UBE2H: variants seen among roughly 807,000 people sequenced by gnomAD.
The protein encoded by UBE2H is ubiquitin-conjugating enzyme E2 H.
In UBE2H, 3 loss-of-function variants were observed where a neutral mutation model predicts 29.0. That is an observed-to-expected ratio of 0.10 (90% CI 0.05 to 0.27). The LOEUF (loss-of-function observed/expected upper bound fraction) is 0.27, where lower values mean the gene tolerates loss of function less well. Ranked by LOEUF, UBE2H falls within the 10% of genes least tolerant of loss-of-function variation. UBE2H has a pLI of 1.00. For missense variants in UBE2H, 68 were observed against 228.2 expected (o/e 0.30, Z 4.52); for synonymous variants, 69 against 82.9 (o/e 0.83, Z 0.91).
intron 5 of UBE2H, among the ~76,000 whole-genome samples, chr7:129,850,417 C>T (rs189887357): frequency 3.2e-4 from 49 of 152,198 alleles, no homozygotes; most frequent in Admixed American, 2.9e-3. Context: ...ATGTTTGCAA[C>T]ATACATGATA....
chr7:129,836,634 C>G (rs1805330026), intron 6 of UBE2H, among the ~76,000 whole-genome samples: 1 of 152,160 alleles, frequency 6.6e-6, no homozygotes, highest in Admixed American at 6.5e-5. Flanking sequence ...AAACCCAGCA[C>G]TTTGGGAGGC....
At chr7:129,867,924 G>T (rs963115927) in intron 3 of UBE2H, among the ~76,000 whole-genome samples, 1 of 151,980 alleles carries the variant, frequency 6.6e-6, no homozygotes, top group Non-Finnish European at 1.5e-5. Flanking sequence ...TTAAAATCAG[G>T]CAAATTGGAT....
At chr7:129,940,206 G>A (rs1206286153) in intron 1 of UBE2H, among the ~76,000 whole-genome samples, 1 of 152,024 alleles carries the variant, frequency 6.6e-6, no homozygotes, top group Non-Finnish European at 1.5e-5. Flanking sequence ...ATGAAAAAAA[G>A]TTGCCTAATA....
intron 3 of UBE2H, among the ~76,000 whole-genome samples, chr7:129,872,398 G>A (rs1014456254): frequency 1.3e-5 from 2 of 152,068 alleles, no homozygotes; most frequent in Non-Finnish European, 2.9e-5. Context: ...GTTTAGTCAT[G>A]CCATATTATA....
intron 1 of UBE2H, among the ~76,000 whole-genome samples, chr7:129,910,181 TAGCCG>T (rs1344662420): frequency 3.3e-5 from 5 of 151,832 alleles, no homozygotes; most frequent in African/African-American, 4.8e-5. Context: ...ATACAAAAAT[TAGCCG>T]AGTGTGGTGG....
intron 1 of UBE2H, among the ~76,000 whole-genome samples, chr7:129,885,875 T>C (rs191897681): frequency 4.6e-5 from 7 of 152,248 alleles, no homozygotes; most frequent in Non-Finnish European, 1.0e-4. Context: ...CCACAAAATA[T>C]ATAATAATTA....
chr7:129,882,488 A>G (rs1806275283), intron 1 of UBE2H, among the ~76,000 whole-genome samples: 1 of 152,366 alleles, frequency 6.6e-6, no homozygotes, highest in East Asian at 1.9e-4. Flanking sequence ...ACTGACTGCA[A>G]GAGGCCAGGT....
At chr7:129,853,061 G>T (rs1363935707) in intron 5 of UBE2H, among the ~76,000 whole-genome samples, 1 of 152,112 alleles carries the variant, frequency 6.6e-6, no homozygotes, top group Non-Finnish European at 1.5e-5. Flanking sequence ...ATTTACGAAG[G>T]CAGTCAAAGA....
chr7:129,935,747 C>T (rs78178272), intron 1 of UBE2H, among the ~76,000 whole-genome samples: 4,559 of 152,186 alleles, frequency 0.03, 138 homozygotes, highest in Admixed American at 0.1. Flanking sequence ...TTCTATTTTT[C>T]ACACAACAAA....
chr7:129,941,867 C>G (rs920852218), intron 1 of UBE2H, among the ~76,000 whole-genome samples: 2 of 152,010 alleles, frequency 1.3e-5, no homozygotes, highest in Non-Finnish European at 2.9e-5. Flanking sequence ...AATAACCTAT[C>G]AAATAACTCT....
chr7:129,940,133 AT>A (rs1228661963), intron 1 of UBE2H, among the ~76,000 whole-genome samples: 1 of 152,170 alleles, frequency 6.6e-6, no homozygotes, highest in Non-Finnish European at 1.5e-5. Flanking sequence ...TTCTATTTAT[AT>A]TACCTCAACT....
At chr7:129,879,984 C>A (rs975343308) in intron 2 of UBE2H, among the ~76,000 whole-genome samples, 9 of 151,750 alleles carry the variant, frequency 5.9e-5, no homozygotes, top group African/African-American at 2.2e-4. Context: ...AAAAAGAAAA[C>A]AACAAAAAAC....
chr7:129,867,737 A>T (rs1805941750), intron 3 of UBE2H, among the ~76,000 whole-genome samples: 1 of 138,748 alleles, frequency 7.2e-6, no homozygotes, highest in Non-Finnish European at 1.6e-5. Flanking sequence ...AAAAAAAAAA[A>T]AAAAAGAAGA....
intron 3 of UBE2H, among the ~76,000 whole-genome samples, chr7:129,871,058 T>G (rs1480773433): frequency 6.6e-6 from 1 of 152,244 alleles, no homozygotes; most frequent in African/African-American, 2.4e-5. Flanking sequence ...AAGGTACCTA[T>G]TCTATCCATT....
At chr7:129,888,167 G>C (rs1057127793) in intron 1 of UBE2H, among the ~76,000 whole-genome samples, 1 of 152,088 alleles carries the variant, frequency 6.6e-6, no homozygotes, top group Non-Finnish European at 1.5e-5. Context: ...AATTTTTAAG[G>C]GTTTTTAATG....
At chr7:129,861,688 T>C (rs900274132) in intron 3 of UBE2H, among the ~76,000 whole-genome samples, 1 of 152,194 alleles carries the variant, frequency 6.6e-6, no homozygotes, top group African/African-American at 2.4e-5. Flanking sequence ...TGTCAGGAGT[T>C]TGAGACCAGC....
chr7:129,872,902 A>G lies in UBE2H; in HGVS notation c.205+6666T>C, dbSNP rs181056175. Among the ~76,000 whole-genome samples, 12 of 149,162 alleles carry G rather than the reference A, an allele frequency of 8.0e-5. No individual in the cohort carries two copies. The East Asian group carries it at 2.2e-3, about 28-fold the overall frequency. ...TATGGCACACTGGTTATCAGAGTAT[A>G]TGCCAGACTGGGAGATTTAAGAGGA... On this transcript the variant is annotated intron_variant, in intron 3 of 6. Coordinates refer to ENST00000355621, the MANE Select transcript of UBE2H (RefSeq NM_003344.4).
rs556924592 is a variant in UBE2H, at chr7:129,905,798, A to G, written c.54-24827T>C. On this transcript the variant is annotated intron_variant, in intron 1 of 6. Transcript: ENST00000355621. ...CAATCGAGGAATAAGAGAGGGCCTA[A>G]GACTTACAGAGAGGCCAGGCACAGC... is the stretch of plus-strand genomic sequence containing the variant. 2.0e-5 allele frequency among the ~76,000 whole-genome samples: 3 copies of G among 152,270 alleles called. No homozygotes were observed. In the East Asian group the frequency reaches 5.8e-4, roughly 29 times the overall value.
chr7:129,927,357 T>C (rs773389229), intron 1 of UBE2H, among the ~76,000 whole-genome samples: 4 of 152,040 alleles, frequency 2.6e-5, no homozygotes, highest in Non-Finnish European at 5.9e-5. Context: ...CTGGCCAAGA[T>C]CGTGAAACCC....
Sources: allele counts gnomAD v4.1 joint callset (sites outside exome capture counted in the v4.1 genomes callset), GRCh38; gene constraint gnomAD v4.1.1; transcripts MANE v1.5; gene names NCBI Gene and HGNC (gene_info 2026-07-23, HGNC 2026-07-21).